Variants in AGPAT3 observed in about 807,000 individuals in gnomAD.
The protein encoded by AGPAT3 is 1-acyl-sn-glycerol-3-phosphate acyltransferase gamma.
AGPAT3 carries 5 observed loss-of-function variants against 47.3 expected under a neutral mutation model. That is an observed-to-expected ratio of 0.11 (90% CI 0.06 to 0.22). The LOEUF is 0.22. Ranked by LOEUF, AGPAT3 falls within the 10% of genes least tolerant of loss-of-function variation. The probability of loss-of-function intolerance (pLI) is 1.00; values close to 1 mark genes in which losing one functional copy is unlikely to be tolerated. For synonymous variants in AGPAT3, 212 were observed against 208.3 expected, an observed-to-expected ratio of 1.02 and a Z score of -0.15; for missense variants, 315 against 493.0, an observed-to-expected ratio of 0.64 and a Z score of 3.42.
intron 1 of AGPAT3, among the ~76,000 whole-genome samples, chr21:43,877,911 C>T (rs993319483): frequency 6.6e-6 from 1 of 152,056 alleles, no homozygotes; most frequent in Admixed American, 6.6e-5. Context: ...TCCCACACCC[C>T]CTTCCCCATC....
Position 43,908,756 on chromosome 21 carries a change from G to T in AGPAT3, c.-49+4737G>T, listed in dbSNP as rs1347210820. Reference sequence around the variant, plus strand: ...CTGATGAGGGCGAGGATCAAAGCCCGTGCTGCGTCAGCGTGGTGGCCTGCC... The same window carrying T: ...CTGATGAGGGCGAGGATCAAAGCCCTTGCTGCGTCAGCGTGGTGGCCTGCC... On this transcript the variant is annotated intron_variant, in intron 2 of 9. Transcript: ENST00000291572. This position sits in a 1 kb window ranked among gnomAD's most constrained non-coding sequence, Gnocchi z 4.9. Among the ~76,000 whole-genome samples the T allele has an allele frequency of 6.6e-6, 1 of 152,234 alleles. No individual in the cohort carries two copies. Among genetic ancestry groups the T allele is most frequent in the South Asian group, 2.1e-4 (1 of 4,836 alleles).
At chr21:43,946,814 T>A (rs1220119699) in intron 2 of AGPAT3, 1 of 152,406 alleles carries the variant, frequency 6.6e-6, no homozygotes, top group Non-Finnish European at 1.5e-5. Context: ...TTTTGGAGTG[T>A]GGTCCCCACA....
chr21:43,947,369 C>T (rs780592588), intron 2 of AGPAT3, among the ~76,000 whole-genome samples: 1 of 152,230 alleles, frequency 6.6e-6, no homozygotes, highest in Non-Finnish European at 1.5e-5. Flanking sequence ...GTCAGGAGAG[C>T]GTGCAGCCGT....
At chr21:43,917,239 G>A (rs1364000710) in intron 2 of AGPAT3, among the ~76,000 whole-genome samples, 2 of 127,196 alleles carry the variant, frequency 1.6e-5, no homozygotes, top group Admixed American at 9.2e-5. Flanking sequence ...GGGCACATCC[G>A]CCCCTCTGGG....
intron 2 of AGPAT3, among the ~76,000 whole-genome samples, chr21:43,921,515 C>T (rs1276430503): frequency 6.6e-6 from 1 of 152,160 alleles, no homozygotes; most frequent in Non-Finnish European, 1.5e-5. Context: ...CCAGGGCGAG[C>T]CCTGGCGCCA....
chr21:43,960,741 A>G (rs973419180), intron 3 of AGPAT3: 2 of 985,322 alleles, frequency 2.0e-6, no homozygotes, highest in South Asian at 4.7e-5. Flanking sequence ...TTGCCCGTAC[A>G]GTTTTAAGCG....
intron 1 of AGPAT3, among the ~76,000 whole-genome samples, chr21:43,872,584 T>C (rs967792440): frequency 7.2e-5 from 11 of 152,244 alleles, no homozygotes; most frequent in African/African-American, 2.7e-4. Context: ...CACCTTGCCA[T>C]TGCTTAAAAT....
intron 1 of AGPAT3, among the ~76,000 whole-genome samples, chr21:43,865,648 TGGGCCCAGC>T (rs2085487663): frequency 6.7e-6 from 1 of 149,336 alleles, no homozygotes; most frequent in East Asian, 2.0e-4. Context: ...TCGGTGGCGC[TGGGCCCAGC>T]GGGGAGGCCC....
At chr21:43,936,086 C>T (rs2087437099) in intron 2 of AGPAT3, among the ~76,000 whole-genome samples, 1 of 152,216 alleles carries the variant, frequency 6.6e-6, no homozygotes, top group Non-Finnish European at 1.5e-5. Flanking sequence ...AGCTCGGGCA[C>T]CCCTGGGGAC....
intron 2 of AGPAT3, among the ~76,000 whole-genome samples, chr21:43,937,129 G>T (rs926687772): frequency 6.6e-6 from 1 of 152,232 alleles, no homozygotes; most frequent in Non-Finnish European, 1.5e-5. Context: ...ACTCCTGGGT[G>T]GGGGAACGTT....
At position 43,908,232 on chromosome 21, in the gene AGPAT3, T is replaced by A. The variant is rs2086549541; in HGVS notation, c.-49+4213T>A. Among the ~76,000 whole-genome samples the A allele has an allele frequency of 6.6e-6, 1 of 152,002 alleles. No homozygotes were observed. The highest frequency in any genetic ancestry group is 2.4e-5 in the African/African-American group (1 of 41,390). On this transcript the variant is annotated intron_variant, in intron 2 of 9. Transcript: ENST00000291572. This position sits in a 1 kb window ranked among gnomAD's most constrained non-coding sequence, Gnocchi z 4.9. The stretch of plus-strand genomic sequence containing the variant: ...ACAAAATACCAGGGCTTGGGGTGAA[T>A]TTGGTGATATCCAGAGCTGGCAGCT...
intron 1 of AGPAT3, among the ~76,000 whole-genome samples, chr21:43,872,079 T>C (rs758921812): frequency 1.3e-5 from 2 of 152,216 alleles, no homozygotes; most frequent in East Asian, 1.9e-4. Context: ...CCGAGGTGTC[T>C]TTTGATAAAG....
chr21:43,887,324 T>C (rs1460831453), intron 1 of AGPAT3, among the ~76,000 whole-genome samples: 1 of 152,172 alleles, frequency 6.6e-6, no homozygotes, highest in Non-Finnish European at 1.5e-5. Flanking sequence ...AACAACCAAA[T>C]GCAGCCTAGG....
At chr21:43,877,010 C>T (rs1234989242) in intron 1 of AGPAT3, among the ~76,000 whole-genome samples, 1 of 152,070 alleles carries the variant, frequency 6.6e-6, no homozygotes, top group African/African-American at 2.4e-5. Context: ...AGGTGCATGC[C>T]ATCACGCCCA....
intron 2 of AGPAT3, among the ~76,000 whole-genome samples, chr21:43,907,795 G>C (rs941834732): frequency 6.6e-6 from 1 of 152,204 alleles, no homozygotes. Flanking sequence ...GATTCCCTCT[G>C]TGAAAAATAC....
intron 3 of AGPAT3, among the ~76,000 whole-genome samples, chr21:43,962,116 T>G (rs2088901074): frequency 6.6e-6 from 1 of 151,736 alleles, no homozygotes; most frequent in South Asian, 2.1e-4. Context: ...TTCTCCTGCC[T>G]CAGCCTCCCG....
chr21:43,912,578 C>A (rs576969299), intron 2 of AGPAT3, among the ~76,000 whole-genome samples: 1 of 152,252 alleles, frequency 6.6e-6, no homozygotes, highest in African/African-American at 2.4e-5. Context: ...CCCTGAGGAA[C>A]GGGGCCTCAT....
intron 2 of AGPAT3, among the ~76,000 whole-genome samples, chr21:43,957,879 G>A (rs1183764105): frequency 1.3e-5 from 2 of 152,246 alleles, no homozygotes; most frequent in Non-Finnish European, 1.5e-5. Flanking sequence ...GCTGCCAAGA[G>A]TGGAGGGGGG....
In AGPAT3 at chr21:43,940,635, G is replaced by A. The variant is rs140996307; in HGVS notation, c.-48-18999G>A. Among the ~76,000 whole-genome samples, 1,025 of 152,366 alleles carry A rather than the reference G, an allele frequency of 6.7e-3. 8 individuals are homozygous for A. The highest frequency in any genetic ancestry group is 0.01 in the Non-Finnish European group (702 of 68,034). ...TAGATGCCTGGCATGTCCTGGGACG[G>A]ACAAGTGCCTGATGTATGGGCACAG... On this transcript the variant is annotated intron_variant, in intron 2 of 9. Transcript: ENST00000291572.
Sources: gnomAD v4.1 joint callset for allele counts (sites outside exome capture counted in the v4.1 genomes callset) on GRCh38, gnomAD v4.1.1 for gene constraint, Gnocchi (gnomAD v3.1) non-coding constraint, MANE v1.5 for transcripts, NCBI Gene and HGNC (gene_info 2026-07-23, HGNC 2026-07-21) for gene names.